Variants in GALM observed in about 807,000 individuals in gnomAD.
GALM encodes galactose mutarotase.
A neutral mutation model predicts 37.4 loss-of-function variants in GALM; 43 were observed. The observed-to-expected ratio is 1.15, with a 90% confidence interval of 0.90 to 1.48. The LOEUF (loss-of-function observed/expected upper bound fraction) is 1.48. Among genes scored for constraint, GALM ranks in the 40% most tolerant of loss-of-function variants. The pLI, the probability that GALM is intolerant of heterozygous loss-of-function variation, is 0.00. For synonymous variants in GALM, 199 were observed against 170.6 expected (o/e 1.17, Z -1.30); for missense variants, 456 against 419.1 (o/e 1.09, Z -0.77).
At chr2:38,714,530 A>T (rs1666231889) in intron 4 of GALM, among the ~76,000 whole-genome samples, 1 of 152,158 alleles carries the variant, frequency 6.6e-6, no homozygotes. Context: ...ACTTTGAAAC[A>T]GGGTGTAACC....
intron 1 of GALM, chr2:38,668,538 G>C (rs934118574): frequency 2.6e-5 from 4 of 152,122 alleles, no homozygotes; most frequent in African/African-American, 9.7e-5. Context: ...GGGTGCCCAG[G>C]GTGCAGAGGA....
intron 4 of GALM, among the ~76,000 whole-genome samples, chr2:38,704,427 T>C (rs1241785230): frequency 6.6e-6 from 1 of 151,996 alleles, no homozygotes; most frequent in Non-Finnish European, 1.5e-5. Context: ...CCCAGAACTT[T>C]GAGAGGCTAA....
intron 2 of GALM, among the ~76,000 whole-genome samples, chr2:38,680,729 G>C (rs1665374227): frequency 6.6e-6 from 1 of 151,538 alleles, no homozygotes; most frequent in African/African-American, 2.4e-5. Flanking sequence ...AAAAATCAAA[G>C]AAAAATCATC....
intron 4 of GALM, among the ~76,000 whole-genome samples, chr2:38,696,120 A>G (rs1198153083): frequency 6.9e-6 from 1 of 144,794 alleles, no homozygotes; most frequent in Non-Finnish European, 1.5e-5. Context: ...AAGTGTAGAG[A>G]TTTTTTTTTT....
intron 4 of GALM, among the ~76,000 whole-genome samples, chr2:38,723,164 C>G (rs1199093451): frequency 1.3e-5 from 2 of 152,130 alleles, no homozygotes; most frequent in Non-Finnish European, 2.9e-5. Context: ...CCTCACTTTC[C>G]TTATAGACAC....
chr2:38,688,294 C>T (rs1281473537), intron 3 of GALM, among the ~76,000 whole-genome samples: 2 of 151,948 alleles, frequency 1.3e-5, no homozygotes, highest in Non-Finnish European at 2.9e-5. Flanking sequence ...AGCAGATCAC[C>T]TGAGGTCGCG....
chr2:38,712,179 T>C (rs74177081), intron 4 of GALM, among the ~76,000 whole-genome samples: 12,976 of 152,272 alleles, frequency 0.085, 821 homozygotes, highest in East Asian at 0.34. Flanking sequence ...GGTTCTGTCA[T>C]CCCAAGTGTA....
At chr2:38,723,525 AC>A (rs1666424940) in intron 4 of GALM, among the ~76,000 whole-genome samples, 1 of 152,200 alleles carries the variant, frequency 6.6e-6, no homozygotes, top group African/African-American at 2.4e-5. Context: ...GCAGCAACTC[AC>A]GCCTGTAATC....
In GALM at chr2:38,729,599, G is replaced by A. The variant is rs1294822342; in HGVS notation, c.678G>A (p.Lys226=). The A allele has an allele frequency of 6.2e-7, 1 of 1,613,686 alleles. No individual in the cohort carries two copies. The highest frequency in any genetic ancestry group is 8.5e-7 in the Non-Finnish European group (1 of 1,179,702). ...PVQGTAFDLR[K]PVELGKHLQD... ...AAGGCACTGCATTCGACCTGAGAAA[G>A]CCAGTGGAGCTTGGAAAACACCTGC... is the stretch of plus-strand genomic sequence containing the variant. The change falls in exon 5 of 7, where the codon AAG becomes AAA. Residue 226 remains lysine, a synonymous_variant. Transcript: ENST00000272252.
At chr2:38,670,845 G>A (rs1665082149) in intron 1 of GALM, among the ~76,000 whole-genome samples, 1 of 152,188 alleles carries the variant, frequency 6.6e-6, no homozygotes, top group African/African-American at 2.4e-5. Flanking sequence ...GATTACTAAA[G>A]TGCTTATTAA....
chr2:38,729,650 C>T lies in GALM; in HGVS notation c.729C>T (p.Asp243=). Residue 243 remains aspartate (D), a synonymous_variant, in exon 5 of 7, where the codon GAC becomes GAT. Coordinates refer to ENST00000272252, the MANE Select transcript of GALM (RefSeq NM_138801.3). The stretch of plus-strand genomic sequence containing the variant: ...AGGACTTCCATCTCAATGGTTTTGA[C>T]CACAATTTCTGTCTGAAGGGATCTA... ...HLQDFHLNGF[D]HNFCLKGSKE... is the part of the protein sequence containing the mutation. The T allele has an allele frequency of 6.2e-7, 1 of 1,613,510 alleles. No homozygotes were observed. The highest frequency in any genetic ancestry group is 1.1e-5 in the South Asian group (1 of 91,076).
intron 1 of GALM, among the ~76,000 whole-genome samples, chr2:38,666,903 A>G (rs1195771742): frequency 6.6e-6 from 1 of 152,174 alleles, no homozygotes; most frequent in African/African-American, 2.4e-5. Flanking sequence ...AGACCAACTC[A>G]GTGTCTTCTC....
intron 1 of GALM, among the ~76,000 whole-genome samples, chr2:38,667,345 G>T (rs1275373923): frequency 1.3e-5 from 2 of 152,068 alleles, no homozygotes; most frequent in East Asian, 3.9e-4. Flanking sequence ...TATGTAACTT[G>T]GCTCATGGTT....
intron 1 of GALM, among the ~76,000 whole-genome samples, chr2:38,666,952 C>T (rs1664955135): frequency 6.6e-6 from 1 of 152,106 alleles, no homozygotes; most frequent in Non-Finnish European, 1.5e-5. Context: ...GGACTTTTAT[C>T]CCAGAATCCA....
chr2:38,686,244 CTTTCTT>C (rs1665520730), intron 3 of GALM, among the ~76,000 whole-genome samples: 1 of 98,870 alleles, frequency 1.0e-5, no homozygotes, highest in South Asian at 3.8e-4. Context: ...TTCTTTCTTT[CTTTCTT>C]TCTTTCTTTC....
At chr2:38,699,487 C>G (rs1464995876) in intron 4 of GALM, among the ~76,000 whole-genome samples, 2 of 152,096 alleles carry the variant, frequency 1.3e-5, no homozygotes, top group Non-Finnish European at 2.9e-5. Flanking sequence ...AGCACTAGCA[C>G]TTATTCCCCC....
intron 5 of GALM, among the ~76,000 whole-genome samples, chr2:38,730,920 C>CAAAA (rs35932426): frequency 8.0e-6 from 1 of 124,518 alleles, no homozygotes; most frequent in Admixed American, 8.4e-5. Flanking sequence ...AACTCCATCT[C>CAAAA]AAAAAAAAAA....
chr2:38,730,292 A>G (rs1050824026), intron 5 of GALM, among the ~76,000 whole-genome samples: 4 of 152,168 alleles, frequency 2.6e-5, no homozygotes, highest in African/African-American at 7.2e-5. Context: ...TGTGTGACGG[A>G]GTCTTGCTCT....
Position 38,733,780 on chromosome 2 carries a change from C to G in GALM, c.*215C>G, listed in dbSNP as rs1451759582. 2.0e-5 allele frequency: 11 copies of G among 552,762 alleles called. No homozygotes were observed. The highest frequency in any genetic ancestry group is 3.0e-5 in the Non-Finnish European group (9 of 304,008). 34.2% of individuals were successfully genotyped at this position (552,762 alleles called of 1,614,324 possible). ...GACCAGCTCGATTCCCTGTGCAGTT[C>G]AGAGGGCAAGTGAACCCAACCAACA... On this transcript the variant is annotated 3_prime_UTR_variant, in exon 7 of 7. Transcript: ENST00000272252.
Sources: gnomAD v4.1 joint callset for allele counts (sites outside exome capture counted in the v4.1 genomes callset) on GRCh38, gnomAD v4.1.1 for gene constraint, MANE v1.5 for transcripts, NCBI Gene and HGNC (gene_info 2026-07-23, HGNC 2026-07-21) for gene names.